CHST9: variants seen among roughly 807,000 people sequenced by gnomAD.
The protein encoded by CHST9 is carbohydrate sulfotransferase 9, also known as GalNAc-4-sulfotransferase 2.
CHST9 carries 41 observed loss-of-function variants against 44.4 expected under a neutral mutation model. The ratio of observed to expected loss-of-function variants is 0.92; its 90% CI spans 0.72 to 1.20. The LOEUF (loss-of-function observed/expected upper bound fraction) is 1.20, where lower values mean the gene tolerates loss of function less well. Ranked by LOEUF, CHST9 falls within the 50% of genes most tolerant of loss-of-function variation. The pLI, the probability that CHST9 is intolerant of heterozygous loss-of-function variation, is 0.00. For missense variants in CHST9, 504 were observed against 516.5 expected (o/e 0.98, Z 0.23); for synonymous variants, 171 against 178.4 (o/e 0.96, Z 0.33).
At chr18:27,103,816 AT>A (rs927304319) in intron 2 of CHST9, among the ~76,000 whole-genome samples, 2 of 152,180 alleles carry the variant, frequency 1.3e-5, no homozygotes, top group Middle Eastern at 3.2e-3. Flanking sequence ...CACAATTGGA[AT>A]TAATGCTTTT....
chr18:26,956,171 G>C (rs2056319593), intron 4 of CHST9, among the ~76,000 whole-genome samples: 1 of 151,338 alleles, frequency 6.6e-6, no homozygotes, highest in Non-Finnish European at 1.5e-5. Context: ...AATTAGCTGG[G>C]TGTGGTGGCG....
At chr18:27,029,158 CA>C (rs2057314439) in intron 3 of CHST9, among the ~76,000 whole-genome samples, 1 of 152,050 alleles carries the variant, frequency 6.6e-6, no homozygotes, top group East Asian at 1.9e-4. Context: ...AGCAGGAGAA[CA>C]GAGCAAAAGA....
In CHST9 at chr18:26,916,271, A is replaced by C. The variant is rs1223740003; in HGVS notation, c.1320T>G (p.Thr440=). The C allele has an allele frequency of 6.4e-7, 1 of 1,557,664 alleles. No homozygotes were observed. Among genetic ancestry groups the C allele is most frequent in the Non-Finnish European group, 8.8e-7 (1 of 1,136,150 alleles). The change falls in exon 6 of 6, where the codon ACT becomes ACG. Residue 440 remains threonine (T), a synonymous_variant. Transcript: ENST00000618847. ...AAATGAATGCAAACTACAAAAATGG[A>C]GTTGTATAATTAAACATTAAATAGT... ...YLDYLMFNYT[T]PFL is the part of the protein sequence containing the mutation.
intron 4 of CHST9, among the ~76,000 whole-genome samples, chr18:26,992,750 A>G (rs536423054): frequency 9.8e-5 from 15 of 152,348 alleles, no homozygotes; most frequent in African/African-American, 3.6e-4. Flanking sequence ...ACGGGACAGA[A>G]AAATGAAAAA....
rs138856652 is a variant in CHST9 at position 26,941,936 on chromosome 18, G to C, written c.240+2393C>G. 4.6e-3 allele frequency among the ~76,000 whole-genome samples: 704 copies of C among 152,266 alleles called. 7 individuals are homozygous for C. Among genetic ancestry groups the C allele is most frequent in the African/African-American group, 0.016 (667 of 41,542 alleles). ...CACTCCTGATTTCTCACGTTGGTGA[G>C]AAACTCATAGCCTGCCTGATGTGGG... On this transcript the variant is annotated intron_variant, in intron 5 of 5. Coordinates refer to ENST00000618847, the MANE Select transcript of CHST9 (RefSeq NM_031422.6).
chr18:27,141,591 C>CAAAAAAAAAAAAAAAAAAAAAA (rs34920055), intron 2 of CHST9, among the ~76,000 whole-genome samples: 3 of 50,098 alleles, frequency 6.0e-5, no homozygotes, highest in African/African-American at 2.6e-4. Context: ...AATCCCGACT[C>CAAAAAAAAAAAAAAAAAAAAAA]AAAAAAAAAA....
chr18:26,932,816 A>G (rs2055904220), intron 5 of CHST9, among the ~76,000 whole-genome samples: 1 of 152,220 alleles, frequency 6.6e-6, no homozygotes. Flanking sequence ...AGCAAAGTCA[A>G]GTTTCCATAT....
intron 2 of CHST9, among the ~76,000 whole-genome samples, chr18:27,077,875 C>T (rs530296540): frequency 9.3e-4 from 142 of 152,130 alleles, no homozygotes; most frequent in African/African-American, 2.7e-3. Context: ...GTGGGCTGTA[C>T]AGGCTTCTGT....
chr18:27,112,393 T>C (rs2143785066), intron 2 of CHST9, among the ~76,000 whole-genome samples: 1 of 151,804 alleles, frequency 6.6e-6, no homozygotes, highest in South Asian at 2.1e-4. Flanking sequence ...ATGTTTTATA[T>C]ACACCTTATA....
At chr18:27,143,866 G>A (rs772806478) in intron 1 of CHST9, among the ~76,000 whole-genome samples, 8 of 152,070 alleles carry the variant, frequency 5.3e-5, no homozygotes, top group African/African-American at 1.4e-4. Context: ...CCTAGATGAC[G>A]GGTTGATAGG....
chr18:27,132,212 T>G (rs530378438), intron 2 of CHST9, among the ~76,000 whole-genome samples: 1 of 152,364 alleles, frequency 6.6e-6, no homozygotes, highest in Admixed American at 6.5e-5. Context: ...AATTTAACAT[T>G]GTAAGAGACT....
chr18:27,149,283 T>C (rs939140437), intron 1 of CHST9, among the ~76,000 whole-genome samples: 11 of 151,914 alleles, frequency 7.2e-5, no homozygotes, highest in Admixed American at 2.0e-4. Flanking sequence ...TTGTCAATTT[T>C]AGCTTTTGTT....
intron 4 of CHST9, among the ~76,000 whole-genome samples, chr18:26,999,656 T>C (rs776599074): frequency 1.3e-5 from 2 of 152,150 alleles, no homozygotes; most frequent in Non-Finnish European, 2.9e-5. Context: ...AATTTCACTA[T>C]ATTATATAAT....
chr18:26,993,275 G>A (rs1357560923), intron 4 of CHST9, among the ~76,000 whole-genome samples: 1 of 152,078 alleles, frequency 6.6e-6, no homozygotes, highest in Non-Finnish European at 1.5e-5. Context: ...AAAACACTTA[G>A]GTACCATGAG....
chr18:27,019,382 T>C (rs144044168), intron 4 of CHST9, among the ~76,000 whole-genome samples: 318 of 152,290 alleles, frequency 2.1e-3, no homozygotes, highest in Non-Finnish European at 3.2e-3. Context: ...GTGTATCCTT[T>C]TGCTGGTACA....
At chr18:27,118,111 G>A (rs993710300) in intron 2 of CHST9, among the ~76,000 whole-genome samples, 1 of 152,110 alleles carries the variant, frequency 6.6e-6, no homozygotes. Flanking sequence ...GTATTTTACT[G>A]TTTTAATTTG....
At chr18:27,040,581 G>T (rs2057434113) in intron 3 of CHST9, among the ~76,000 whole-genome samples, 1 of 152,074 alleles carries the variant, frequency 6.6e-6, no homozygotes, top group Non-Finnish European at 1.5e-5. Flanking sequence ...GAGTGGACTT[G>T]AGGTGTTTCA....
chr18:27,070,920 G>A (rs998891957), intron 2 of CHST9, among the ~76,000 whole-genome samples: 1 of 152,078 alleles, frequency 6.6e-6, no homozygotes, highest in Admixed American at 6.5e-5. Flanking sequence ...ATAAAAGGAG[G>A]GGACTAGCCA....
At chr18:27,051,567 C>T (rs1011162682) in intron 2 of CHST9, among the ~76,000 whole-genome samples, 1 of 152,130 alleles carries the variant, frequency 6.6e-6, no homozygotes, top group African/African-American at 2.4e-5. Context: ...CTGTCAACTG[C>T]CAATGAGGAA....
Sources: allele counts gnomAD v4.1 joint callset (sites outside exome capture counted in the v4.1 genomes callset), GRCh38; gene constraint gnomAD v4.1.1; transcripts MANE v1.5; gene names NCBI Gene and HGNC (gene_info 2026-07-23, HGNC 2026-07-21).